Variants in RTKN2 observed in about 807,000 individuals in gnomAD.
RTKN2 encodes the protein rhotekin 2.
In RTKN2, 69 loss-of-function variants were observed where a neutral mutation model predicts 71.5. That is an observed-to-expected ratio of 0.96 (90% CI 0.79 to 1.18). The LOEUF (loss-of-function observed/expected upper bound fraction) is 1.18, where lower values mean the gene tolerates loss of function less well. RTKN2 is among the 50% of genes most tolerant of loss of function. RTKN2 has a pLI of 0.00. For missense variants in RTKN2, 724 were observed against 719.7 expected (o/e 1.01, Z -0.07); for synonymous variants, 236 against 236.5 (o/e 1.00, Z 0.02).
chr10:62,251,911 T>A (rs769216646), intron 2 of RTKN2, among the ~76,000 whole-genome samples: 1 of 151,562 alleles, frequency 6.6e-6, no homozygotes, highest in Admixed American at 6.6e-5. Context: ...CAAAGAGACA[T>A]AGTAAATGGG....
chr10:62,264,500 G>C (rs1842833883), intron 1 of RTKN2, among the ~76,000 whole-genome samples: 1 of 152,030 alleles, frequency 6.6e-6, no homozygotes, highest in African/African-American at 2.4e-5. Flanking sequence ...AATGTAATTA[G>C]CAATTAATTA....
At chr10:62,219,603 C>T (rs1046151365) in intron 7 of RTKN2, among the ~76,000 whole-genome samples, 1 of 151,808 alleles carries the variant, frequency 6.6e-6, no homozygotes, top group Non-Finnish European at 1.5e-5. Flanking sequence ...TTTTGGGGTA[C>T]AGACTATCAT....
intron 9 of RTKN2, among the ~76,000 whole-genome samples, chr10:62,215,581 G>A (rs1010165687): frequency 2.6e-5 from 4 of 151,908 alleles, no homozygotes; most frequent in Non-Finnish European, 4.4e-5. Flanking sequence ...TTATGGTTAT[G>A]AAAAAGTGTC....
chr10:62,194,425 A>C lies in RTKN2; in HGVS notation c.*3483T>G, dbSNP rs1305855533. ...CATTATAATTTAAGACTAACAGTGA[A>C]GATGGCTACTAGAATATAAATGGTC... On this transcript the variant is annotated 3_prime_UTR_variant, in exon 12 of 12. Coordinates refer to ENST00000373789, the MANE Select transcript of RTKN2 (RefSeq NM_145307.4). 6 of 978,514 alleles carry C rather than the reference A, an allele frequency of 6.1e-6. No individual in the cohort carries two copies. The highest frequency in any genetic ancestry group is 4.9e-6 in the Non-Finnish European group (4 of 823,742). The allele number at this position is 978,514 out of a possible 1,614,324, so 60.6% of individuals were successfully genotyped here.
At chr10:62,221,544 TAAAA>T (rs1219718367) in intron 7 of RTKN2, among the ~76,000 whole-genome samples, 2 of 152,072 alleles carry the variant, frequency 1.3e-5, no homozygotes, top group East Asian at 3.9e-4. Context: ...GTTTGTAACA[TAAAA>T]ATAAGTACAG....
chr10:62,203,335 C>G (rs938720846), intron 10 of RTKN2, among the ~76,000 whole-genome samples: 12 of 132,548 alleles, frequency 9.1e-5, no homozygotes. Context: ...CACCTGAGAT[C>G]TGCTGAATTT....
chr10:62,209,419 T>C (rs982693402), intron 9 of RTKN2, among the ~76,000 whole-genome samples: 1 of 151,884 alleles, frequency 6.6e-6, no homozygotes, highest in African/African-American at 2.4e-5. Flanking sequence ...AGTGGGGAGT[T>C]AGAGGTGTGA....
Position 62,236,195 on chromosome 10 carries a change from A to T in RTKN2, c.557T>A (p.Ile186Lys). The change falls in exon 6 of 12, where the codon ATA becomes AAA. Residue 186 changes from isoleucine (I) to lysine (K), a missense_variant. Ile to Lys is a moderately radical substitution (Grantham distance 102, BLOSUM62 -3). Coordinates refer to ENST00000373789, the MANE Select transcript of RTKN2 (RefSeq NM_145307.4). ...AGCTAGCTTTTTTGGTGTGTTGGTT[A>T]TAGAAGATTCTTCTGTACAGCAACT... ...VYSCCTEESS[I>K]TNTPKKLAKK... 3 of 1,612,020 alleles carry T rather than the reference A, an allele frequency of 1.9e-6. No individual in the cohort carries two copies. Among genetic ancestry groups the T allele is most frequent in the Non-Finnish European group, 2.5e-6 (3 of 1,178,542 alleles).
At chr10:62,235,496 GA>G (rs1461922964) in intron 6 of RTKN2, among the ~76,000 whole-genome samples, 1 of 152,018 alleles carries the variant, frequency 6.6e-6, no homozygotes, top group Non-Finnish European at 1.5e-5. Context: ...CTGAAAATCT[GA>G]AATGCTCCAA....
intron 5 of RTKN2, among the ~76,000 whole-genome samples, chr10:62,237,935 G>C (rs548392789): frequency 9.9e-5 from 15 of 151,768 alleles, no homozygotes; most frequent in Admixed American, 8.6e-4. Flanking sequence ...CCCTTTTTCA[G>C]ACACAACGAA....
intron 9 of RTKN2, among the ~76,000 whole-genome samples, chr10:62,216,217 ATTC>A (rs1841766752): frequency 6.6e-6 from 1 of 152,034 alleles, no homozygotes; most frequent in African/African-American, 2.4e-5. Context: ...ACAACTTTAC[ATTC>A]TTCTTTAAAG....
At chr10:62,258,621 C>G (rs1280835639) in intron 2 of RTKN2, among the ~76,000 whole-genome samples, 2 of 151,482 alleles carry the variant, frequency 1.3e-5, no homozygotes, top group Non-Finnish European at 2.9e-5. Context: ...ATACTTCTTC[C>G]TTGCTTAAAA....
At chr10:62,248,940 T>C (rs1318156903) in intron 2 of RTKN2, among the ~76,000 whole-genome samples, 1 of 152,204 alleles carries the variant, frequency 6.6e-6, no homozygotes, top group Admixed American at 6.5e-5. Context: ...AAGCAGGTTA[T>C]AAAATCCTTT....
chr10:62,195,195 C>G lies in RTKN2; in HGVS notation c.*2713G>C, dbSNP rs1223678560. 1 of 977,024 alleles carries G rather than the reference C, an allele frequency of 1.0e-6. No homozygotes were observed. 60.5% of individuals were successfully genotyped at this position (977,024 alleles called of 1,614,324 possible). On this transcript the variant is annotated 3_prime_UTR_variant, in exon 12 of 12. Transcript: ENST00000373789. The stretch of plus-strand genomic sequence containing the variant: ...CTTTAGATCATCAGAATTATCATAT[C>G]ATAAAATATCTATTCTGTTTCCCCA...
chr10:62,225,527 T>C (rs1276249709), intron 6 of RTKN2, among the ~76,000 whole-genome samples: 1 of 152,238 alleles, frequency 6.6e-6, no homozygotes, highest in Non-Finnish European at 1.5e-5. Context: ...CATCCAACTT[T>C]TTTTATTTTT....
rs150611763 is a variant in RTKN2, at chr10:62,251,418, C to T, written c.258-5361G>A. On this transcript the variant is annotated intron_variant, in intron 2 of 11. Transcript: ENST00000373789. Reference sequence around the variant, plus strand: ...TAGTATTATCTGTGGTTTCAGGAATCCAGGAAGGATGATGGAACATACCCC... The same window carrying T: ...TAGTATTATCTGTGGTTTCAGGAATTCAGGAAGGATGATGGAACATACCCC... Among the ~76,000 whole-genome samples the T allele has an allele frequency of 3.0e-3, 453 of 152,236 alleles. 3 individuals are homozygous for T. Among genetic ancestry groups the T allele is most frequent in the Admixed American group, 5.0e-3 (76 of 15,290 alleles).
At chr10:62,217,467 G>T (rs1382316447) in intron 8 of RTKN2, among the ~76,000 whole-genome samples, 1 of 152,170 alleles carries the variant, frequency 6.6e-6, no homozygotes, top group African/African-American at 2.4e-5. Context: ...GGCATTAAGT[G>T]AAATGGAGGC....
At chr10:62,230,890 G>A (rs12360041) in intron 6 of RTKN2, among the ~76,000 whole-genome samples, 24,972 of 152,104 alleles carry the variant, frequency 0.16, 2,168 homozygotes, top group African/African-American at 0.19. Context: ...AGAATTTTGA[G>A]TGCAGGGACC....
At chr10:62,241,068 G>T in intron 4 of RTKN2, 74 bp downstream of exon 4, 2 of 765,704 alleles carry the variant, frequency 2.6e-6, no homozygotes, top group Non-Finnish European at 4.3e-6. Flanking sequence ...CAAGGAAGCA[G>T]TCTTTTTTCT....
Sources: allele counts gnomAD v4.1 joint callset (sites outside exome capture counted in the v4.1 genomes callset), GRCh38; gene constraint gnomAD v4.1.1; transcripts MANE v1.5; gene names NCBI Gene and HGNC (gene_info 2026-07-23, HGNC 2026-07-21).